The following CLYBL variants were observed in gnomAD, a reference collection of about 807,000 sequenced individuals.
CLYBL encodes the protein citramalyl-CoA lyase, mitochondrial.
CLYBL carries 31 observed loss-of-function variants against 38.9 expected under a neutral mutation model. The ratio of observed to expected loss-of-function variants is 0.80; its 90% CI spans 0.60 to 1.08. The LOEUF is 1.08. Among genes scored for constraint, CLYBL ranks in the 50% least tolerant of loss-of-function variants. CLYBL has a pLI of 0.00. For synonymous variants in CLYBL, 171 were observed against 158.6 expected, an observed-to-expected ratio of 1.08 and a Z score of -0.59; for missense variants, 434 against 411.6, an observed-to-expected ratio of 1.05 and a Z score of -0.47.
chr13:99,715,693 C>T (rs2048301993), intron 1 of CLYBL, among the ~76,000 whole-genome samples: 1 of 152,194 alleles, frequency 6.6e-6, no homozygotes, highest in African/African-American at 2.4e-5. Flanking sequence ...TTTGTTCCAA[C>T]CCACTACCCT....
At chr13:99,853,418 T>TAAAC (rs1398370830) in intron 2 of CLYBL, among the ~76,000 whole-genome samples, 1 of 152,232 alleles carries the variant, frequency 6.6e-6, no homozygotes, top group Non-Finnish European at 1.5e-5. Flanking sequence ...ATTTTCAGAG[T>TAAAC]AAACAGGGTG....
intron 9 of CLYBL, among the ~76,000 whole-genome samples, chr13:99,907,011 T>C (rs545633624): frequency 6.6e-6 from 1 of 152,234 alleles, no homozygotes; most frequent in Non-Finnish European, 1.5e-5. Context: ...AATACTACTT[T>C]ATTCACAGTT....
At chr13:99,738,174 C>T (rs1338520295) in intron 1 of CLYBL, among the ~76,000 whole-genome samples, 3 of 152,114 alleles carry the variant, frequency 2.0e-5, no homozygotes, top group African/African-American at 7.2e-5. Flanking sequence ...TTTAAACCTT[C>T]GTGATTCATG....
intron 2 of CLYBL, among the ~76,000 whole-genome samples, chr13:99,784,504 G>C (rs1395243541): frequency 7.8e-6 from 1 of 127,658 alleles, no homozygotes; most frequent in African/African-American, 2.8e-5. Context: ...GCTCAGTCTG[G>C]AGTGCAGTGG....
At position 99,842,705 on chromosome 13, in the gene CLYBL, CTT is replaced by C. The variant is rs1555316709; in HGVS notation, c.250-16149_250-16148del. Among the ~76,000 whole-genome samples, 453 of 114,714 alleles carry C rather than the reference CTT, an allele frequency of 3.9e-3. 2 individuals are homozygous for C. Among genetic ancestry groups the C allele is most frequent in the African/African-American group, 0.013 (439 of 34,198 alleles). The allele number at this position is 114,714 out of a possible 152,430, so 75.3% of individuals were successfully genotyped here. On this transcript the variant is annotated intron_variant, in intron 2 of 8. Transcript: ENST00000339105. ...AATGGGAGTTTAAATCTGTACAGCC[CTT>C]TTTTTTAAAAAAAAAAGCAATTTTA...
At chr13:99,886,358 C>T (rs984619909) in intron 7 of CLYBL, among the ~76,000 whole-genome samples, 2 of 152,352 alleles carry the variant, frequency 1.3e-5, no homozygotes, top group East Asian at 1.9e-4. Flanking sequence ...ATTGTCATCA[C>T]GCCATCATCA....
chr13:99,725,150 C>T (rs1364477836), intron 1 of CLYBL, among the ~76,000 whole-genome samples: 1 of 152,176 alleles, frequency 6.6e-6, no homozygotes, highest in Non-Finnish European at 1.5e-5. Flanking sequence ...ACAAGCAGGG[C>T]TGGCCTCTAC....
chr13:99,731,997 G>T (rs1484498084), intron 1 of CLYBL, among the ~76,000 whole-genome samples: 2 of 152,068 alleles, frequency 1.3e-5, no homozygotes, highest in Non-Finnish European at 2.9e-5. Flanking sequence ...GGTACCAGGG[G>T]CTTGGGATGG....
intron 7 of CLYBL, among the ~76,000 whole-genome samples, chr13:99,879,807 A>G (rs552902315): frequency 3.3e-5 from 5 of 152,270 alleles, no homozygotes; most frequent in Admixed American, 6.5e-5. Flanking sequence ...CCATTCTGTG[A>G]TAAGTGGAAT....
In CLYBL at chr13:99,902,207, A is replaced by G. The variant is rs182420161; in HGVS notation, c.*25-3063A>G. Among the ~76,000 whole-genome samples, 3 of 152,378 alleles carry G rather than the reference A, an allele frequency of 2.0e-5. No individual in the cohort carries two copies. In the East Asian group the frequency reaches 5.8e-4, roughly 29 times the overall value. On this transcript the variant is annotated intron_variant and NMD_transcript_variant, in intron 8 of 9. Transcript: ENST00000689673. ...TATTCCTTTTGGGGGAGATATTACCAGAAAGGTAACAACAAATGATTAGTA... is the reference window on the plus strand; with the variant it reads ...TATTCCTTTTGGGGGAGATATTACCGGAAAGGTAACAACAAATGATTAGTA...
intron 1 of CLYBL, among the ~76,000 whole-genome samples, chr13:99,734,466 C>T (rs1189512560): frequency 6.6e-6 from 1 of 151,872 alleles, no homozygotes; most frequent in Non-Finnish European, 1.5e-5. Context: ...ACCAAACTGA[C>T]TTTCCTTTAG....
chr13:99,621,537 A>AC (rs1043414640), intron 1 of CLYBL, among the ~76,000 whole-genome samples: 2 of 151,354 alleles, frequency 1.3e-5, no homozygotes, highest in Non-Finnish European at 2.9e-5. Flanking sequence ...TCCCACCCAC[A>AC]CCCCATCTGT....
intron 1 of CLYBL, among the ~76,000 whole-genome samples, chr13:99,761,920 G>C (rs997688975): frequency 6.6e-6 from 1 of 152,202 alleles, no homozygotes; most frequent in Admixed American, 6.5e-5. Context: ...CTGATGACTA[G>C]TGATGTTACC....
rs1302876848 is a variant in CLYBL, at chr13:99,754,418, A to C, written c.63-18406A>C. ...GGCAACAGCGTGAGACCCTGTCTCA[A>C]AAAAAAAAAAAAAAAAAAAAAGAGG... is the stretch of plus-strand genomic sequence containing the variant. On this transcript the variant is annotated intron_variant, in intron 1 of 8. Transcript: ENST00000339105. Among the ~76,000 whole-genome samples, 742 of 132,112 alleles carry C rather than the reference A, an allele frequency of 5.6e-3. 6 individuals are homozygous for C. Among genetic ancestry groups the C allele is most frequent in the Middle Eastern group, 0.024 (6 of 254 alleles). 86.7% of individuals were successfully genotyped at this position (132,112 alleles called of 152,430 possible). A position where few individuals can be genotyped will look rare whatever the true frequency, so the allele number is the denominator to read the frequency against.
At chr13:99,853,744 G>T (rs1235095990) in intron 2 of CLYBL, among the ~76,000 whole-genome samples, 1 of 152,090 alleles carries the variant, frequency 6.6e-6, no homozygotes, top group Non-Finnish European at 1.5e-5. Flanking sequence ...GACTGGTGAG[G>T]ATGGTCTATG....
chr13:99,728,274 T>A (rs1423480077), intron 1 of CLYBL, among the ~76,000 whole-genome samples: 1 of 135,090 alleles, frequency 7.4e-6, no homozygotes, highest in Non-Finnish European at 1.6e-5. Flanking sequence ...ATGTTTCTTT[T>A]CTTTTCTTTT....
At chr13:99,818,484 C>G (rs1417915235) in intron 2 of CLYBL, among the ~76,000 whole-genome samples, 1 of 148,836 alleles carries the variant, frequency 6.7e-6, no homozygotes, top group African/African-American at 2.5e-5. Context: ...CACACACACA[C>G]GGACACACAC....
At chr13:99,736,479 A>T (rs2793748) in intron 1 of CLYBL, among the ~76,000 whole-genome samples, 8,652 of 151,998 alleles carry the variant, frequency 0.057, 292 homozygotes, top group East Asian at 0.11. Context: ...AAACTGCAGC[A>T]TTGGAAAGGG....
intron 1 of CLYBL, among the ~76,000 whole-genome samples, chr13:99,714,141 CTGTTTTTGCA>C (rs1469497290): frequency 2.0e-5 from 3 of 152,138 alleles, no homozygotes; most frequent in African/African-American, 7.2e-5. Flanking sequence ...TATTTTATTC[CTGTTTTTGCA>C]TGTATTATAA....
Sources: allele counts gnomAD v4.1 joint callset (sites outside exome capture counted in the v4.1 genomes callset), GRCh38; gene constraint gnomAD v4.1.1; transcripts MANE v1.5; gene names NCBI Gene and HGNC (gene_info 2026-07-23, HGNC 2026-07-21).